APBA1: variants seen among roughly 807,000 people sequenced by gnomAD.
APBA1 encodes amyloid beta precursor protein binding family A member 1.
APBA1 carries 55 observed loss-of-function variants against 86.6 expected under a neutral mutation model. The observed-to-expected ratio is 0.64, with a 90% CI of 0.51 to 0.80. The LOEUF is 0.80. APBA1 is among the 30% of genes least tolerant of loss of function. The pLI, the probability that APBA1 is intolerant of heterozygous loss-of-function variation, is 0.00. For synonymous variants in APBA1, 511 were observed against 493.9 expected (o/e 1.03, Z -0.46); for missense variants, 1,090 against 1,183.0 (o/e 0.92, Z 1.15).
intron 5 of APBA1, among the ~76,000 whole-genome samples, chr9:69,458,486 C>T (rs908797060): frequency 1.6e-4 from 24 of 152,126 alleles, no homozygotes; most frequent in East Asian, 3.8e-4. Flanking sequence ...CTTTATTGTA[C>T]GCCTGGTTTT....
At chr9:69,457,810 G>T (rs1461413874) in intron 6 of APBA1, among the ~76,000 whole-genome samples, 1 of 152,106 alleles carries the variant, frequency 6.6e-6, no homozygotes, top group South Asian at 2.1e-4. Flanking sequence ...CCAGCAATCT[G>T]ACAAATCCAC....
chr9:69,451,086 CCT>C (rs1217957672), intron 9 of APBA1, among the ~76,000 whole-genome samples: 2 of 152,194 alleles, frequency 1.3e-5, no homozygotes, highest in African/African-American at 2.4e-5. Flanking sequence ...TCATATACCC[CCT>C]GTCCAGCCTT....
In APBA1 at chr9:69,452,230, C is replaced by A. The variant is rs762827381; in HGVS notation, c.1860G>T (p.Gly620=). The A allele has an allele frequency of 1.2e-6, 2 of 1,614,212 alleles. No homozygotes were observed. The highest frequency in any genetic ancestry group is 1.1e-5 in the South Asian group (1 of 91,082). ...TCTGGCTGAGATCTTCGGGGTTAAT[C>A]CCATTGGCCCTGAGGAATTCCTGGT... ...VAYQEFLRAN[G]INPEDLSQKE... Residue 620 remains glycine (G), a synonymous_variant, in exon 9 of 13, where the codon GGG becomes GGT. Coordinates refer to ENST00000265381, the MANE Select transcript of APBA1 (RefSeq NM_001163.4).
At chr9:69,435,766 C>T (rs1308306473) in intron 11 of APBA1, among the ~76,000 whole-genome samples, 2 of 152,166 alleles carry the variant, frequency 1.3e-5, no homozygotes, top group Admixed American at 6.5e-5. Context: ...ATGGTAGTTT[C>T]TTTTGCTGTG....
At chr9:69,522,768 G>T (rs1836274003) in intron 1 of APBA1, among the ~76,000 whole-genome samples, 1 of 152,178 alleles carries the variant, frequency 6.6e-6, no homozygotes, top group Non-Finnish European at 1.5e-5. Flanking sequence ...AGCAAGCTTA[G>T]GAAAGAAGTG....
At chr9:69,473,386 C>T (rs1835394438) in intron 3 of APBA1, among the ~76,000 whole-genome samples, 1 of 152,070 alleles carries the variant, frequency 6.6e-6, no homozygotes, top group South Asian at 2.1e-4. Flanking sequence ...TTATTATTTC[C>T]CAACCATTTC....
intron 2 of APBA1, among the ~76,000 whole-genome samples, chr9:69,486,943 T>C (rs984664714): frequency 1.3e-5 from 2 of 151,854 alleles, no homozygotes; most frequent in Non-Finnish European, 2.9e-5. Flanking sequence ...CATTCAGAAC[T>C]ATTTCCTGAG....
chr9:69,664,883 C>G (rs1216727602), intron 1 of APBA1, among the ~76,000 whole-genome samples: 1 of 152,148 alleles, frequency 6.6e-6, no homozygotes, highest in Non-Finnish European at 1.5e-5. Context: ...ACATTAAAAT[C>G]CCTAAATTAA....
intron 2 of APBA1, among the ~76,000 whole-genome samples, chr9:69,511,576 T>G (rs910747522): frequency 6.6e-6 from 1 of 151,794 alleles, no homozygotes; most frequent in Non-Finnish European, 1.5e-5. Flanking sequence ...TTACTGGGTA[T>G]ATACCCAGAG....
In APBA1 at chr9:69,537,885, G is replaced by A. The variant is rs559373518; in HGVS notation, c.-69-20606C>T. On this transcript the variant is annotated intron_variant, in intron 1 of 12. Coordinates refer to ENST00000265381, the MANE Select transcript of APBA1 (RefSeq NM_001163.4). Reference sequence around the variant, plus strand: ...AATGTTTTCCCCCAGTGTATCATCTGTCTTTTGACTGGCTTTATAGTTTCT... The same window carrying A: ...AATGTTTTCCCCCAGTGTATCATCTATCTTTTGACTGGCTTTATAGTTTCT... Among the ~76,000 whole-genome samples, 20 of 151,738 alleles carry A rather than the reference G, an allele frequency of 1.3e-4. No homozygotes were observed. In the East Asian group the frequency reaches 3.9e-3, roughly 30 times the overall value.
chr9:69,603,093 G>A (rs138324390), intron 1 of APBA1, among the ~76,000 whole-genome samples: 245 of 152,256 alleles, frequency 1.6e-3, no homozygotes, highest in African/African-American at 5.8e-3. Context: ...CTGGAACCAG[G>A]GGCAAACGGG....
At chr9:69,660,939 G>T (rs893312166) in intron 1 of APBA1, among the ~76,000 whole-genome samples, 6 of 152,174 alleles carry the variant, frequency 3.9e-5, no homozygotes, top group Admixed American at 1.3e-4. Context: ...TAGATCAGGG[G>T]TCAGTAAACT....
rs150877864 is a variant in APBA1 at position 69,495,327 on chromosome 9, G to A, written c.1201-19184C>T. Among the ~76,000 whole-genome samples, 333 of 152,260 alleles carry A rather than the reference G, an allele frequency of 2.2e-3. 10 individuals carry two copies. In the East Asian group the frequency reaches 0.053, roughly 24 times the overall value. ...CAGCAAATGTGATTTTGAAGCCTAG[G>A]ATCCACCTACCTCTCCTTCGTGACA... On this transcript the variant is annotated intron_variant, in intron 2 of 12. Transcript: ENST00000265381.
chr9:69,516,664 A>G lies in APBA1; in HGVS notation c.547T>C (p.Tyr183His). Residue 183 changes from tyrosine (Y) to histidine (H), a missense_variant, in exon 2 of 13, where the codon TAC (tyrosine) becomes CAC (histidine). Tyr to His is a moderately conservative substitution (Grantham distance 83). This residue lies in a region of APBA1 where 678 missense variants were observed against 647.1 expected (regional missense o/e 1.05). Transcript: ENST00000265381. This position sits in a 1 kb window ranked among gnomAD's most constrained non-coding sequence, Gnocchi z 7.3. ...CCGTAGTCGGCATAGGGCTCGGAGT[A>G]GGGCTCGTCCTCACCGCGGTGGAAG... ...RLFHRGEDEPYSEPYADYGGL... is the reference protein window; with the variant it reads ...RLFHRGEDEPHSEPYADYGGL... The G allele has an allele frequency of 6.2e-7, 1 of 1,609,664 alleles. No individual in the cohort carries two copies. The highest frequency in any genetic ancestry group is 8.5e-7 in the Non-Finnish European group (1 of 1,179,060).
At chr9:69,566,228 G>A (rs1837024597) in intron 1 of APBA1, among the ~76,000 whole-genome samples, 2 of 152,182 alleles carry the variant, frequency 1.3e-5, no homozygotes, top group Non-Finnish European at 2.9e-5. Flanking sequence ...GCACAGATTA[G>A]GGACATCATC....
intron 2 of APBA1, among the ~76,000 whole-genome samples, chr9:69,493,504 T>C (rs1835747484): frequency 6.6e-6 from 1 of 152,046 alleles, no homozygotes; most frequent in African/African-American, 2.4e-5. Context: ...TCTGCATGCA[T>C]TGTGTTTGTA....
intron 2 of APBA1, among the ~76,000 whole-genome samples, chr9:69,486,781 C>T (rs1360872903): frequency 6.6e-6 from 1 of 151,804 alleles, no homozygotes; most frequent in Non-Finnish European, 1.5e-5. Flanking sequence ...AGCTGGAGCC[C>T]CATGGAGGAT....
At position 69,473,058 on chromosome 9, in the gene APBA1, A is replaced by AAATGGT. The variant is rs571830703; in HGVS notation, c.1297-1369_1297-1364dup. Among the ~76,000 whole-genome samples, 35 of 152,336 alleles carry AAATGGT rather than the reference A, an allele frequency of 2.3e-4. No homozygotes were observed. The South Asian group carries it at 7.1e-3, about 31-fold the overall frequency. On this transcript the variant is annotated intron_variant, in intron 3 of 12. Coordinates refer to ENST00000265381, the MANE Select transcript of APBA1 (RefSeq NM_001163.4). The stretch of plus-strand genomic sequence containing the variant: ...TGCTGCATGTGTGCTCACTGGGATG[A>AAATGGT]AATGGTTCTGCACACCAAAGTGGGT...
At chr9:69,560,660 A>G (rs1836933662) in intron 1 of APBA1, among the ~76,000 whole-genome samples, 2 of 152,232 alleles carry the variant, frequency 1.3e-5, no homozygotes, top group Admixed American at 1.3e-4. Flanking sequence ...GAGAACCCTT[A>G]TCTGAAATGC....
Sources: allele counts gnomAD v4.1 joint callset (sites outside exome capture counted in the v4.1 genomes callset), GRCh38; gene constraint gnomAD v4.1.1; regional missense constraint gnomAD v4.1.1; non-coding constraint Gnocchi (gnomAD v3.1); transcripts MANE v1.5; gene names NCBI Gene and HGNC (gene_info 2026-07-23, HGNC 2026-07-21).